GNA14: variants seen among roughly 807,000 people sequenced by gnomAD.
GNA14 encodes guanine nucleotide-binding protein subunit alpha-14.
GNA14 carries 50 observed loss-of-function variants against 42.0 expected under a neutral mutation model. The observed-to-expected ratio is 1.19, with a 90% CI of 0.95 to 1.51. The LOEUF is 1.51. GNA14 is among the 40% of genes most tolerant of loss of function. The pLI is 0.00. For synonymous variants in GNA14, 173 were observed against 163.1 expected, an observed-to-expected ratio of 1.06 and a Z score of -0.46; for missense variants, 473 against 446.2, an observed-to-expected ratio of 1.06 and a Z score of -0.54.
At chr9:77,500,597 TC>T (rs1836950069) in intron 2 of GNA14, among the ~76,000 whole-genome samples, 1 of 152,080 alleles carries the variant, frequency 6.6e-6, no homozygotes, top group African/African-American at 2.4e-5. Context: ...ACCACTTCCC[TC>T]CCATCCCCAT....
chr9:77,543,595 G>C (rs372904648), intron 1 of GNA14, among the ~76,000 whole-genome samples: 3 of 152,150 alleles, frequency 2.0e-5, no homozygotes, highest in Non-Finnish European at 4.4e-5. Flanking sequence ...AGGGTTAAGC[G>C]CCTCTCGCTG....
chr9:77,546,807 T>C (rs1218528055), intron 1 of GNA14, among the ~76,000 whole-genome samples: 1 of 152,182 alleles, frequency 6.6e-6, no homozygotes, highest in African/African-American at 2.4e-5. Context: ...TCTCTATTTG[T>C]GGGGAGATGT....
intron 4 of GNA14, among the ~76,000 whole-genome samples, chr9:77,430,479 G>A (rs767900638): frequency 2.0e-5 from 3 of 152,234 alleles, no homozygotes; most frequent in Non-Finnish European, 4.4e-5. Context: ...TGGGCACACA[G>A]GCACAGAGGG....
chr9:77,555,136 A>G (rs1822755270), intron 1 of GNA14, among the ~76,000 whole-genome samples: 1 of 152,222 alleles, frequency 6.6e-6, no homozygotes, highest in Non-Finnish European at 1.5e-5. Context: ...TGGTTACATA[A>G]GAGAATGATT....
intron 1 of GNA14, among the ~76,000 whole-genome samples, chr9:77,644,494 G>T (rs1354424773): frequency 6.9e-6 from 1 of 144,964 alleles, no homozygotes; most frequent in African/African-American, 2.6e-5. Context: ...CCAGAAGAAA[G>T]GCCATGTGAG....
intron 1 of GNA14, among the ~76,000 whole-genome samples, chr9:77,547,446 T>C (rs1285264817): frequency 6.6e-6 from 1 of 152,210 alleles, no homozygotes; most frequent in Non-Finnish European, 1.5e-5. Context: ...GTTCTATCAA[T>C]TAGTGGGATG....
chr9:77,475,192 G>A (rs1001196062), intron 2 of GNA14, among the ~76,000 whole-genome samples: 5 of 152,212 alleles, frequency 3.3e-5, no homozygotes, highest in East Asian at 3.9e-4. Context: ...ATGCCACAAT[G>A]AGAACAGGTC....
chr9:77,455,072 G>C (rs1291397434), intron 2 of GNA14, among the ~76,000 whole-genome samples: 1 of 152,178 alleles, frequency 6.6e-6, no homozygotes, highest in Non-Finnish European at 1.5e-5. Context: ...GGTTCTCTGT[G>C]CAAGGTCTCA....
intron 1 of GNA14, among the ~76,000 whole-genome samples, chr9:77,533,497 G>A (rs762194043): frequency 9.2e-5 from 14 of 152,196 alleles, no homozygotes; most frequent in Non-Finnish European, 1.8e-4. Context: ...TGATATATTT[G>A]AGATAGTTGC....
chr9:77,570,342 T>C (rs1453936600), intron 1 of GNA14, among the ~76,000 whole-genome samples: 1 of 152,164 alleles, frequency 6.6e-6, no homozygotes, highest in African/African-American at 2.4e-5. Context: ...CATCTTATCA[T>C]GTTTTAAAGA....
chr9:77,438,169 C>G (rs1005309883), intron 2 of GNA14, among the ~76,000 whole-genome samples: 1 of 152,070 alleles, frequency 6.6e-6, no homozygotes, highest in African/African-American at 2.4e-5. Flanking sequence ...TCTTTGGAAA[C>G]CCAACAGTAG....
intron 1 of GNA14, among the ~76,000 whole-genome samples, chr9:77,640,734 A>AT (rs977515237): frequency 4.0e-5 from 6 of 151,492 alleles, no homozygotes; most frequent in East Asian, 2.0e-4. Flanking sequence ...TGGCTTAAAG[A>AT]TTTTTTTTAA....
At chr9:77,636,852 G>A (rs930667752) in intron 1 of GNA14, among the ~76,000 whole-genome samples, 1 of 152,098 alleles carries the variant, frequency 6.6e-6, no homozygotes, top group Non-Finnish European at 1.5e-5. Context: ...CATTCAAACC[G>A]CAGCACAAGC....
intron 2 of GNA14, among the ~76,000 whole-genome samples, chr9:77,518,978 A>C (rs1353785455): frequency 6.6e-6 from 1 of 152,230 alleles, no homozygotes; most frequent in Non-Finnish European, 1.5e-5. Context: ...TCAGAAATCA[A>C]GGTCAAGTAC....
intron 1 of GNA14, among the ~76,000 whole-genome samples, chr9:77,645,801 G>T (rs575724649): frequency 6.6e-6 from 1 of 152,226 alleles, no homozygotes; most frequent in South Asian, 2.1e-4. Context: ...TCAAGCTCCT[G>T]GTATATTCTG....
chr9:77,635,175 C>T (rs1418801590), intron 1 of GNA14: 1 of 152,182 alleles, frequency 6.6e-6, no homozygotes, highest in Admixed American at 6.5e-5. Flanking sequence ...CCCCCTCCCC[C>T]ACCATTTTCC....
At chr9:77,583,008 T>C (rs922532494) in intron 1 of GNA14, among the ~76,000 whole-genome samples, 2 of 152,204 alleles carry the variant, frequency 1.3e-5, no homozygotes, top group African/African-American at 4.8e-5. Context: ...CAGTGATGAA[T>C]GCAGTGCTAG....
intron 2 of GNA14, chr9:77,456,353 A>G (rs1432020536): frequency 2.0e-5 from 3 of 152,236 alleles, no homozygotes; most frequent in Non-Finnish European, 4.4e-5. Flanking sequence ...GAAAGAGACC[A>G]TTACACATGT....
At chr9:77,556,870 C>A (rs1165185431) in intron 1 of GNA14, among the ~76,000 whole-genome samples, 2 of 152,160 alleles carry the variant, frequency 1.3e-5, no homozygotes, top group South Asian at 2.1e-4. Flanking sequence ...GATGCACTTT[C>A]TTTTTGGGGA....
Sources: gnomAD v4.1 joint callset for allele counts (sites outside exome capture counted in the v4.1 genomes callset) on GRCh38, gnomAD v4.1.1 for gene constraint, MANE v1.5 for transcripts, NCBI Gene and HGNC (gene_info 2026-07-23, HGNC 2026-07-21) for gene names.